The following ATXN10 variants were observed in gnomAD, a reference collection of about 807,000 sequenced individuals.
The protein encoded by ATXN10 is ataxin 10, also known as ataxin-10.
In ATXN10, 28 loss-of-function variants were observed where a neutral mutation model predicts 52.9. The ratio of observed to expected loss-of-function variants is 0.53; its 90% CI spans 0.39 to 0.73. The LOEUF (loss-of-function observed/expected upper bound fraction) is 0.73, where lower values mean the gene tolerates loss of function less well. Among genes scored for constraint, ATXN10 ranks in the 30% least tolerant of loss-of-function variants. The pLI, the probability that ATXN10 is intolerant of heterozygous loss-of-function variation, is 0.00. For synonymous variants in ATXN10, 226 were observed against 221.5 expected (o/e 1.02, Z -0.18); for missense variants, 565 against 577.0 (o/e 0.98, Z 0.21).
At chr22:45,726,920 A>G (rs928248388) in intron 6 of ATXN10, among the ~76,000 whole-genome samples, 24 of 152,242 alleles carry the variant, frequency 1.6e-4, no homozygotes, top group African/African-American at 5.3e-4. Context: ...GGGCTAAGCA[A>G]TCCTCCTGCC....
Position 45,820,283 on chromosome 22 carries a change from A to G in ATXN10, c.1237+13261A>G, listed in dbSNP as rs141027912. On this transcript the variant is annotated intron_variant, in intron 10 of 11. Coordinates refer to ENST00000252934, the MANE Select transcript of ATXN10 (RefSeq NM_013236.4). The surrounding 1 kb of genome is among the most constrained non-coding windows in gnomAD (Gnocchi z 4.9). The stretch of plus-strand genomic sequence containing the variant: ...CTACGGTGGGACCACCAACCTAAGG[A>G]AGATGCAAGCTCTGATCACCGTCTA... Among the ~76,000 whole-genome samples, 6 of 152,330 alleles carry G rather than the reference A, an allele frequency of 3.9e-5. No homozygotes were observed. In the East Asian group the frequency reaches 9.6e-4, roughly 24 times the overall value.
intron 8 of ATXN10, among the ~76,000 whole-genome samples, chr22:45,739,867 ATGTAG>A (rs1190368332): frequency 6.6e-6 from 1 of 152,180 alleles, no homozygotes; most frequent in Non-Finnish European, 1.5e-5. Context: ...TTTCTCCTGA[ATGTAG>A]CTGGAGTGAA....
intron 7 of ATXN10, among the ~76,000 whole-genome samples, chr22:45,734,907 T>C (rs1925232824): frequency 8.7e-6 from 1 of 114,376 alleles, no homozygotes; most frequent in Admixed American, 8.0e-5. Flanking sequence ...TATTTTGAGA[T>C]AGAGTCTTGC....
chr22:45,692,984 T>TA lies in ATXN10; in HGVS notation c.309-6dup. On this transcript the variant is annotated splice_polypyrimidine_tract_variant and intron_variant, in intron 2 of 11. Transcript: ENST00000252934. ...TGAACATGTCTAATTTTGTCTTTTT[T>TA]AAAAAACCCAGGAACTTGGATACGA... 2.5e-6 allele frequency: 4 copies of TA among 1,613,798 alleles called. No homozygotes were observed. The highest frequency in any genetic ancestry group is 3.4e-6 in the Non-Finnish European group (4 of 1,179,724).
At chr22:45,793,933 C>G (rs550406359) in intron 9 of ATXN10, among the ~76,000 whole-genome samples, 2 of 152,320 alleles carry the variant, frequency 1.3e-5, no homozygotes, top group South Asian at 4.1e-4. Context: ...CAGGGCTGCC[C>G]TATAGGCAGT....
At position 45,795,202 on chromosome 22, in the gene ATXN10, A is replaced by T. The variant is rs1454238531; in HGVS notation, c.1174-11757A>T. Among the ~76,000 whole-genome samples the T allele has an allele frequency of 6.6e-6, 1 of 152,204 alleles. No individual in the cohort carries two copies. The highest frequency in any genetic ancestry group is 2.4e-5 in the African/African-American group (1 of 41,442). Reference sequence around the variant, plus strand: ...TATTGGAGAAATAAGTGGAATATTTAAAAATGCTCAGTCTCAAAAGAGTCT... The same window carrying T: ...TATTGGAGAAATAAGTGGAATATTTTAAAATGCTCAGTCTCAAAAGAGTCT... On this transcript the variant is annotated intron_variant, in intron 9 of 11. Transcript: ENST00000252934. This position sits in a 1 kb window ranked among gnomAD's most constrained non-coding sequence, Gnocchi z 4.6.
intron 7 of ATXN10, chr22:45,734,327 G>GT (rs1489289630): frequency 1.0e-5 from 2 of 200,486 alleles, no homozygotes; most frequent in African/African-American, 2.3e-5. Context: ...CATTATGTTT[G>GT]TTTTTGCATA....
At position 45,677,550 on chromosome 22, in the gene ATXN10, T is replaced by TA. The variant is rs1225841612; in HGVS notation, c.116+5372dup. ...AAAAAGAAAAGGCAAGTCCTGGACTTAGAGAAGTATTTAAAATATATATGA... is the reference window on the plus strand; with the variant it reads ...AAAAAGAAAAGGCAAGTCCTGGACTTAAGAGAAGTATTTAAAATATATATGA... On this transcript the variant is annotated intron_variant, in intron 1 of 11. Transcript: ENST00000252934. This position sits in a 1 kb window ranked among gnomAD's most constrained non-coding sequence, Gnocchi z 4.1. The TA allele has an allele frequency of 6.7e-6, 1 of 149,652 alleles. No individual in the cohort carries two copies. Among genetic ancestry groups the TA allele is most frequent in the African/African-American group, 2.5e-5 (1 of 40,752 alleles). The allele number at this position is 149,652 out of a possible 1,614,324, so 9.3% of individuals were successfully genotyped here.
At chr22:45,834,827 G>C (rs1337311545) in intron 10 of ATXN10, among the ~76,000 whole-genome samples, 1 of 152,208 alleles carries the variant, frequency 6.6e-6, no homozygotes, top group African/African-American at 2.4e-5. Context: ...CAGGCACTCT[G>C]CTAACCATGC....
Position 45,715,170 on chromosome 22 carries a change from A to AT in ATXN10, c.648-3238dup, listed in dbSNP as rs1924398659. Among the ~76,000 whole-genome samples the AT allele has an allele frequency of 6.6e-6, 1 of 152,138 alleles. No individual in the cohort carries two copies. Among genetic ancestry groups the AT allele is most frequent in the South Asian group, 2.1e-4 (1 of 4,820 alleles). On this transcript the variant is annotated intron_variant, in intron 5 of 11. Transcript: ENST00000252934. The surrounding 1 kb of genome is among the most constrained non-coding windows in gnomAD (Gnocchi z 4.4). ...ACATTTATTGAACATTTGTTAGGAG[A>AT]TTTTTGGTTTTTCAAGAAGAAAATT... is the stretch of plus-strand genomic sequence containing the variant.
intron 3 of ATXN10, among the ~76,000 whole-genome samples, chr22:45,699,691 C>T (rs1300957628): frequency 6.6e-6 from 1 of 151,708 alleles, no homozygotes; most frequent in Admixed American, 6.6e-5. Context: ...GGGGTTTCAT[C>T]ACGTTGGCCA....
At position 45,696,192 on chromosome 22, in the gene ATXN10, A is replaced by G. The variant is rs1923598897; in HGVS notation, c.391+3114A>G. On this transcript the variant is annotated intron_variant, in intron 3 of 11. Transcript: ENST00000252934. This position sits in a 1 kb window ranked among gnomAD's most constrained non-coding sequence, Gnocchi z 4.7. Reference sequence around the variant, plus strand: ...AAAGATACTTCTGTAGCTCTATTTTATAATAAAAGGGAAGCATCAGTACTC... The same window carrying G: ...AAAGATACTTCTGTAGCTCTATTTTGTAATAAAAGGGAAGCATCAGTACTC... Among the ~76,000 whole-genome samples, 1 of 152,186 alleles carries G rather than the reference A, an allele frequency of 6.6e-6. No individual in the cohort carries two copies. The highest frequency in any genetic ancestry group is 2.1e-4 in the South Asian group (1 of 4,830).
At position 45,688,580 on chromosome 22, in the gene ATXN10, G is replaced by A. The variant is rs1040772489; in HGVS notation, c.117-1132G>A. ...ATGGTACTGAAGTTCAAGGAAAGACGTGTTTCCTCTGCCCCCGGAAAAGGG... is the reference window on the plus strand; with the variant it reads ...ATGGTACTGAAGTTCAAGGAAAGACATGTTTCCTCTGCCCCCGGAAAAGGG... On this transcript the variant is annotated intron_variant, in intron 1 of 11. Transcript: ENST00000252934. This position sits in a 1 kb window ranked among gnomAD's most constrained non-coding sequence, Gnocchi z 4.0. 9.9e-5 allele frequency among the ~76,000 whole-genome samples: 15 copies of A among 152,282 alleles called. No homozygotes were observed. Among genetic ancestry groups the A allele is most frequent in the African/African-American group, 3.1e-4 (13 of 41,574 alleles).
chr22:45,806,808 ATGTAGTTC>A lies in ATXN10; in HGVS notation c.1174-148_1174-141del, dbSNP rs1928114126. 3 of 666,308 alleles carry A rather than the reference ATGTAGTTC, an allele frequency of 4.5e-6. No individual in the cohort carries two copies. In the East Asian group the frequency reaches 8.2e-5, roughly 18 times the overall value. 41.3% of individuals were successfully genotyped at this position (666,308 alleles called of 1,614,324 possible). ...CACTTTTTGTTTACATGTCTGTTTT[ATGTAGTTC>A]TGGGTTGATATAGATATTTCAGATA... On this transcript the variant is annotated intron_variant, in intron 9 of 11. Coordinates refer to ENST00000252934, the MANE Select transcript of ATXN10 (RefSeq NM_013236.4).
chr22:45,685,559 T>A (rs1356587362), intron 1 of ATXN10, among the ~76,000 whole-genome samples: 2 of 152,240 alleles, frequency 1.3e-5, no homozygotes, highest in African/African-American at 4.8e-5. Context: ...TCATTGTCGT[T>A]AATCATTACA....
At chr22:45,811,165 C>T (rs1051073020) in intron 10 of ATXN10, among the ~76,000 whole-genome samples, 1 of 151,988 alleles carries the variant, frequency 6.6e-6, no homozygotes, top group Non-Finnish European at 1.5e-5. Context: ...CATAAATTTT[C>T]CCTTTATATG....
At chr22:45,802,726 C>T (rs1001660698) in intron 9 of ATXN10, among the ~76,000 whole-genome samples, 1 of 152,194 alleles carries the variant, frequency 6.6e-6, no homozygotes, top group East Asian at 1.9e-4. Context: ...TTTAGTTCAC[C>T]TTTATTGCCT....
chr22:45,751,763 A>AAAAAATAATAATAAT, intron 9 of ATXN10, among the ~76,000 whole-genome samples: 16 of 66,606 alleles, frequency 2.4e-4, no homozygotes, highest in South Asian at 1.1e-3. Flanking sequence ...AATAAAAAAA[A>AAAAAATAATAATAAT]AATAATAATA....
intron 3 of ATXN10, among the ~76,000 whole-genome samples, chr22:45,693,655 A>C (rs915728276): frequency 1.3e-5 from 2 of 152,192 alleles, no homozygotes; most frequent in African/African-American, 4.8e-5. Flanking sequence ...TTCAGATCAT[A>C]GCATGGTCCT....
Sources: gnomAD v4.1 joint callset for allele counts (sites outside exome capture counted in the v4.1 genomes callset) on GRCh38, gnomAD v4.1.1 for gene constraint, Gnocchi (gnomAD v3.1) non-coding constraint, MANE v1.5 for transcripts, NCBI Gene and HGNC (gene_info 2026-07-23, HGNC 2026-07-21) for gene names.